The following JCAD variants were observed in gnomAD, a reference collection of about 807,000 sequenced individuals.
JCAD encodes junctional cadherin 5-associated protein.
In JCAD, 40 loss-of-function variants were observed where a neutral mutation model predicts 98.0. The observed-to-expected ratio is 0.41, with a 90% CI of 0.32 to 0.53. The LOEUF (loss-of-function observed/expected upper bound fraction) is 0.53, where lower values mean the gene tolerates loss of function less well. JCAD is among the 20% of genes least tolerant of loss of function. The pLI is 0.31. For synonymous variants in JCAD, 691 were observed against 682.3 expected, an observed-to-expected ratio of 1.01 and a Z score of -0.20; for missense variants, 1,705 against 1,738.1, an observed-to-expected ratio of 0.98 and a Z score of 0.34.
At chr10:30,087,028 C>T (rs1478540518) in intron 1 of JCAD, among the ~76,000 whole-genome samples, 1 of 152,170 alleles carries the variant, frequency 6.6e-6, no homozygotes, top group African/African-American at 2.4e-5. Context: ...CCCAATTAAG[C>T]ACGTAGTGTG....
chr10:30,034,830 C>T (rs960542852), intron 2 of JCAD, among the ~76,000 whole-genome samples: 2 of 152,202 alleles, frequency 1.3e-5, no homozygotes, highest in African/African-American at 4.8e-5. Context: ...TAAGGCATTA[C>T]AATTGTTACA....
intron 1 of JCAD, among the ~76,000 whole-genome samples, chr10:30,053,579 A>G (rs954237742): frequency 2.0e-5 from 3 of 151,660 alleles, no homozygotes; most frequent in Non-Finnish European, 2.9e-5. Context: ...AGAAAAGAAA[A>G]GAAAAGAAAA....
chr10:30,038,511 T>C (rs1459004643), intron 2 of JCAD, among the ~76,000 whole-genome samples: 1 of 151,560 alleles, frequency 6.6e-6, no homozygotes, highest in African/African-American at 2.4e-5. Context: ...TAAGGAGACC[T>C]AGTCTCCACA....
Position 30,017,545 on chromosome 10 carries a change from G to T in JCAD, c.*338C>A. Reference sequence around the variant, plus strand: ...AAGCATTTGCTAGATCTTCCACATTGAAATCTTCACCCAGAATGAGAGCAA... The same window carrying T: ...AAGCATTTGCTAGATCTTCCACATTTAAATCTTCACCCAGAATGAGAGCAA... On this transcript the variant is annotated 3_prime_UTR_variant, in exon 4 of 4. Coordinates refer to ENST00000375377, the MANE Select transcript of JCAD (RefSeq NM_020848.4). 2.6e-6 allele frequency: 1 copy of T among 384,148 alleles called. No individual in the cohort carries two copies. Among genetic ancestry groups the T allele is most frequent in the Non-Finnish European group, 4.7e-6 (1 of 212,214 alleles). 23.8% of individuals were successfully genotyped at this position (384,148 alleles called of 1,614,324 possible).
At chr10:30,070,510 G>A (rs1043744491) in intron 1 of JCAD, among the ~76,000 whole-genome samples, 5 of 152,150 alleles carry the variant, frequency 3.3e-5, no homozygotes, top group Non-Finnish European at 5.9e-5. Flanking sequence ...TTTAGTTTTC[G>A]CAAATTAGTG....
At chr10:30,038,939 G>T (rs141057559) in intron 2 of JCAD, among the ~76,000 whole-genome samples, 257 of 152,266 alleles carry the variant, frequency 1.7e-3, no homozygotes, top group African/African-American at 6.0e-3. Flanking sequence ...GGGAGTCAGG[G>T]TATCTCTGAA....
chr10:30,114,411 C>T (rs1838756830), intron 1 of JCAD, among the ~76,000 whole-genome samples: 2 of 151,892 alleles, frequency 1.3e-5, no homozygotes, highest in African/African-American at 4.8e-5. Flanking sequence ...GCTTTATCAT[C>T]AAGTAGGTAG....
At chr10:30,083,316 T>C (rs903340337) in intron 1 of JCAD, among the ~76,000 whole-genome samples, 1 of 152,192 alleles carries the variant, frequency 6.6e-6, no homozygotes, top group Non-Finnish European at 1.5e-5. Flanking sequence ...TCAAGTCTCC[T>C]CCCCTTTATC....
At position 30,026,913 on chromosome 10, in the gene JCAD, C is replaced by G; in HGVS notation, c.3235G>C (p.Gly1079Arg). 2.5e-6 allele frequency: 4 copies of G among 1,614,162 alleles called. No individual in the cohort carries two copies. The East Asian group carries it at 8.9e-5, about 36-fold the overall frequency. ...GEASTIEIPP[G>R]ESLQARAARI... ...GCAGCCCTGGCTTGCAAGGACTCAC[C>G]TGGGGGGATTTCTATTGTGCTTGCT... The change falls in exon 3 of 4, where the codon GGT (glycine) becomes CGT (arginine). Residue 1079 changes from glycine to arginine, a missense_variant. This residue lies in a region of JCAD where 1,278 missense variants were observed against 1,243.1 expected (regional missense o/e 1.03). Transcript: ENST00000375377.
intron 3 of JCAD, among the ~76,000 whole-genome samples, chr10:30,023,548 G>A (rs12772467): frequency 0.074 from 11,249 of 152,142 alleles, 571 homozygotes; most frequent in African/African-American, 0.14. Context: ...AACTGCTAAT[G>A]ATGCATTTCT....
intron 1 of JCAD, among the ~76,000 whole-genome samples, chr10:30,070,409 G>T (rs1837863616): frequency 6.6e-6 from 1 of 152,132 alleles, no homozygotes; most frequent in Non-Finnish European, 1.5e-5. Flanking sequence ...ATCCCTCGAG[G>T]CTCTATCCTT....
intron 3 of JCAD, among the ~76,000 whole-genome samples, chr10:30,018,296 C>CTTCTT (rs1554794090): frequency 2.8e-5 from 2 of 70,654 alleles, no homozygotes; most frequent in African/African-American, 9.3e-5. Flanking sequence ...TCTTCTTCTT[C>CTTCTT]TTTTTTTTTT....
intron 1 of JCAD, among the ~76,000 whole-genome samples, chr10:30,091,655 G>A (rs1430912794): frequency 2.7e-5 from 4 of 147,964 alleles, no homozygotes; most frequent in African/African-American, 1.0e-4. Context: ...ACTAAAAACA[G>A]TTGAAATTCT....
At chr10:30,113,548 C>CAAA (rs71023545) in intron 1 of JCAD, among the ~76,000 whole-genome samples, 2,170 of 15,946 alleles carry the variant, frequency 0.14, 669 homozygotes, top group Middle Eastern at 0.2. Flanking sequence ...GAGACACTGT[C>CAAA]AAAAAAAAAA....
At chr10:30,105,226 A>C (rs1838552187) in intron 1 of JCAD, among the ~76,000 whole-genome samples, 1 of 152,230 alleles carries the variant, frequency 6.6e-6, no homozygotes, top group Admixed American at 6.5e-5. Context: ...CAACATCCCT[A>C]TAATGGCAGA....
intron 1 of JCAD, among the ~76,000 whole-genome samples, chr10:30,098,942 T>C (rs1838423461): frequency 1.3e-5 from 2 of 152,222 alleles, no homozygotes; most frequent in African/African-American, 4.8e-5. Flanking sequence ...GCCTTGGTTT[T>C]TTCAGTTTCC....
chr10:30,058,998 G>A (rs1837644465), intron 1 of JCAD, among the ~76,000 whole-genome samples: 1 of 152,124 alleles, frequency 6.6e-6, no homozygotes, highest in African/African-American at 2.4e-5. Flanking sequence ...GGACCTCGGG[G>A]ACCCAGCGCG....
intron 1 of JCAD, among the ~76,000 whole-genome samples, chr10:30,073,689 C>CCTTT (rs1837934469): frequency 7.7e-6 from 1 of 129,160 alleles, no homozygotes; most frequent in Non-Finnish European, 1.7e-5. Context: ...TTGCTTCCTT[C>CCTTT]CTTCCTTCCT....
chr10:30,026,073 G>T, intron 3 of JCAD, 30 bp downstream of exon 3: 2 of 1,613,460 alleles, frequency 1.2e-6, no homozygotes, highest in South Asian at 1.1e-5. Flanking sequence ...AATGTATACT[G>T]AGCACCTGCC....
Sources: allele counts gnomAD v4.1 joint callset (sites outside exome capture counted in the v4.1 genomes callset), GRCh38; gene constraint gnomAD v4.1.1; regional missense constraint gnomAD v4.1.1; transcripts MANE v1.5; gene names NCBI Gene and HGNC (gene_info 2026-07-23, HGNC 2026-07-21).